The following ZFHX3 variants were observed in gnomAD, a reference collection of about 807,000 sequenced individuals.
ZFHX3 encodes zinc finger homeobox protein 3.
Under a neutral mutation model 279.1 loss-of-function variants are expected in ZFHX3, and 42 were observed. The observed-to-expected ratio is 0.15, with a 90% CI of 0.12 to 0.19. ZFHX3 has a LOEUF of 0.19. ZFHX3 is among the 10% of genes least tolerant of loss of function. The probability of loss-of-function intolerance (pLI) is 1.00; values close to 1 mark genes in which losing one functional copy is unlikely to be tolerated. For synonymous variants in ZFHX3, 2,293 were observed against 1,957.8 expected (o/e 1.17, Z -4.52); for missense variants, 4,981 against 4,754.0 (o/e 1.05, Z -1.40).
rs573520728 is a variant in ZFHX3 at position 73,269,460 on chromosome 16, GCCTTTGAGATC to G, written c.-1193-12335_-1193-12325del. On this transcript the variant is annotated intron_variant, in intron 4 of 17. Transcript: ENST00000641206. ...AGCGACTTCTTTCACTTAGTATGAT[GCCTTTGAGATC>G]CATCTATGTTCCCTTGTGTATCAGC... 4.2e-3 allele frequency among the ~76,000 whole-genome samples: 644 copies of G among 152,292 alleles called. 7 individuals carry two copies. The highest frequency in any genetic ancestry group is 0.015 in the African/African-American group (614 of 41,556).
chr16:73,407,569 C>T (rs2017386123), intron 3 of ZFHX3, among the ~76,000 whole-genome samples: 1 of 152,190 alleles, frequency 6.6e-6, no homozygotes, highest in Admixed American at 6.5e-5. Flanking sequence ...GAGGGAGTGG[C>T]AGGGTCAGGA....
chr16:73,449,173 T>C (rs937295405), intron 3 of ZFHX3, among the ~76,000 whole-genome samples: 14 of 152,246 alleles, frequency 9.2e-5, no homozygotes, highest in African/African-American at 3.4e-4. Flanking sequence ...CTAACACATT[T>C]TGAGGGAAAG....
chr16:73,266,341 T>G (rs1198796881), intron 4 of ZFHX3, among the ~76,000 whole-genome samples: 1 of 152,242 alleles, frequency 6.6e-6, no homozygotes, highest in Non-Finnish European at 1.5e-5. Flanking sequence ...ATTTAGTTTC[T>G]ATTTAGTATA....
chr16:73,388,285 G>C (rs2016941443), intron 3 of ZFHX3, among the ~76,000 whole-genome samples: 2 of 152,040 alleles, frequency 1.3e-5, no homozygotes, highest in Admixed American at 6.5e-5. Context: ...TTAAAGTCAG[G>C]GTGAAGAAAA....
At chr16:73,165,174 A>G (rs1967330087) in intron 5 of ZFHX3, among the ~76,000 whole-genome samples, 1 of 152,166 alleles carries the variant, frequency 6.6e-6, no homozygotes, top group African/African-American at 2.4e-5. Context: ...GATTTCTCAG[A>G]GGGAACACAG....
chr16:73,207,315 T>A (rs551149489), intron 5 of ZFHX3, among the ~76,000 whole-genome samples: 1 of 152,326 alleles, frequency 6.6e-6, no homozygotes, highest in South Asian at 2.1e-4. Flanking sequence ...TGCTCTTTTA[T>A]GAAGTAAACG....
chr16:73,858,091 G>C (rs1390465127), intron 1 of ZFHX3, among the ~76,000 whole-genome samples: 1 of 146,846 alleles, frequency 6.8e-6, no homozygotes, highest in African/African-American at 2.7e-5. Flanking sequence ...ACAAGATTCT[G>C]TCTCAAAAAA....
At chr16:73,490,663 C>T (rs1184798539) in intron 2 of ZFHX3, among the ~76,000 whole-genome samples, 5 of 152,022 alleles carry the variant, frequency 3.3e-5, no homozygotes, top group East Asian at 1.9e-4. Flanking sequence ...TATGGAAAAG[C>T]TCCATCTCTA....
chr16:73,878,378 G>T lies in ZFHX3; in HGVS notation c.-1608+13273C>A, dbSNP rs74030920. ...AAAGAAGATGCAAAGTTTGTTAGGG[G>T]TTCAGCCAAGAAGAACCTATTGTAT... is the stretch of plus-strand genomic sequence containing the variant. On this transcript the variant is annotated intron_variant, in intron 1 of 17. Transcript: ENST00000641206. Among the ~76,000 whole-genome samples the T allele has an allele frequency of 4.7e-3, 719 of 152,222 alleles. 9 individuals are homozygous for T. Among genetic ancestry groups the T allele is most frequent in the African/African-American group, 0.017 (706 of 41,568 alleles).
chr16:73,100,945 A>C (rs747478593), intron 7 of ZFHX3, among the ~76,000 whole-genome samples: 16 of 152,144 alleles, frequency 1.1e-4, no homozygotes, highest in Non-Finnish European at 2.1e-4. Flanking sequence ...AACATGGAAA[A>C]CAAGGGACCC....
chr16:73,249,687 T>G (rs2013422847), intron 5 of ZFHX3, among the ~76,000 whole-genome samples: 2 of 152,286 alleles, frequency 1.3e-5, no homozygotes, highest in East Asian at 3.9e-4. Context: ...CACACTATAC[T>G]AAGATTTCCT....
At chr16:73,885,891 C>A (rs1372368309) in intron 1 of ZFHX3, among the ~76,000 whole-genome samples, 1 of 152,114 alleles carries the variant, frequency 6.6e-6, no homozygotes, top group Non-Finnish European at 1.5e-5. Context: ...AGTAAGTACC[C>A]CCCTGACTGA....
intron 2 of ZFHX3, among the ~76,000 whole-genome samples, chr16:73,643,613 C>T (rs2052592601): frequency 6.6e-6 from 1 of 152,236 alleles, no homozygotes. Flanking sequence ...TGCTTCAAAA[C>T]TCAACCTGAA....
At chr16:72,886,614 G>A (rs2038628279) in intron 4 of ZFHX3, among the ~76,000 whole-genome samples, 1 of 152,108 alleles carries the variant, frequency 6.6e-6, no homozygotes, top group Admixed American at 6.5e-5. Flanking sequence ...AAATGGACCA[G>A]CTTTTAACAG....
intron 2 of ZFHX3, among the ~76,000 whole-genome samples, chr16:73,595,188 C>G (rs981770292): frequency 1.3e-5 from 2 of 152,144 alleles, no homozygotes; most frequent in African/African-American, 4.8e-5. Context: ...AATCACATCA[C>G]CATCATCCCT....
At chr16:73,212,164 A>C (rs548856206) in intron 5 of ZFHX3, among the ~76,000 whole-genome samples, 137 of 133,278 alleles carry the variant, frequency 1.0e-3, no homozygotes, top group Non-Finnish European at 1.6e-3. Context: ...AAGCAAAAAG[A>C]AAAAAAAAAA....
chr16:73,530,107 G>T (rs2019771886), intron 2 of ZFHX3, among the ~76,000 whole-genome samples: 1 of 152,192 alleles, frequency 6.6e-6, no homozygotes, highest in Non-Finnish European at 1.5e-5. Context: ...GTTCCACGTG[G>T]CTGGGGAGGC....
In ZFHX3 at chr16:73,174,863, C is replaced by CAAAAA. The variant is rs34447211; in HGVS notation, c.-1103-31037_-1103-31033dup. On this transcript the variant is annotated intron_variant, in intron 5 of 17. Transcript: ENST00000641206. ...CAAAACCCCGTCTCTACTAAAAATACAAAAAAAAAAAAAAAAAAAAATTAG... is the reference window on the plus strand; with the variant it reads ...CAAAACCCCGTCTCTACTAAAAATACAAAAAAAAAAAAAAAAAAAAAAAAAATTAG... Among the ~76,000 whole-genome samples, 45 of 86,826 alleles carry CAAAAA rather than the reference C, an allele frequency of 5.2e-4. 1 individual carries two copies. Among genetic ancestry groups the CAAAAA allele is most frequent in the African/African-American group, 1.8e-3 (43 of 24,432 alleles). 57.0% of individuals were successfully genotyped at this position (86,826 alleles called of 152,430 possible).
intron 2 of ZFHX3, among the ~76,000 whole-genome samples, chr16:73,659,946 T>C (rs2052763521): frequency 6.6e-6 from 1 of 152,192 alleles, no homozygotes; most frequent in Admixed American, 6.5e-5. Context: ...TCACTGTAAT[T>C]ACGGAAGGTG....
Sources: allele counts gnomAD v4.1 joint callset (sites outside exome capture counted in the v4.1 genomes callset), GRCh38; gene constraint gnomAD v4.1.1; transcripts MANE v1.5; gene names NCBI Gene and HGNC (gene_info 2026-07-23, HGNC 2026-07-21).